The following KCNQ4 variants were observed in gnomAD, a reference collection of about 807,000 sequenced individuals.
The protein encoded by KCNQ4 is potassium voltage-gated channel subfamily KQT member 4.
KCNQ4 carries 31 observed loss-of-function variants against 72.6 expected under a neutral mutation model. The observed-to-expected ratio is 0.43, with a 90% CI of 0.32 to 0.58. The LOEUF (loss-of-function observed/expected upper bound fraction) is 0.58, where lower values mean the gene tolerates loss of function less well. KCNQ4 is among the 20% of genes least tolerant of loss of function. The pLI is 0.08. For missense variants in KCNQ4, 869 were observed against 962.6 expected (o/e 0.90, Z 1.29); for synonymous variants, 405 against 403.7 (o/e 1.00, Z -0.04).
chr1:40,812,135 T>TG (rs1316024277), intron 1 of KCNQ4, among the ~76,000 whole-genome samples: 1 of 152,196 alleles, frequency 6.6e-6, no homozygotes, highest in Non-Finnish European at 1.5e-5. Flanking sequence ...CAGCCTGAGC[T>TG]GGGGTTCTAG....
At chr1:40,819,772 G>A in intron 5 of KCNQ4, 103 bp from the exon 6 acceptor site, 2 of 1,014,558 alleles carry the variant, frequency 2.0e-6, no homozygotes, top group Non-Finnish European at 3.2e-6. Flanking sequence ...TGGGTGACCA[G>A]GGGCCCCTTC....
At chr1:40,787,696 T>C (rs1647216878) in intron 1 of KCNQ4, among the ~76,000 whole-genome samples, 1 of 134,614 alleles carries the variant, frequency 7.4e-6, no homozygotes. Flanking sequence ...CCAAGCTGCA[T>C]CCCCCTCCTA....
At chr1:40,824,333 C>T (rs368080681) in intron 9 of KCNQ4, 75 bp downstream of exon 9, 2 of 1,497,904 alleles carry the variant, frequency 1.3e-6, no homozygotes, top group Non-Finnish European at 1.8e-6. Context: ...CATCCTCTCT[C>T]AGACCTGCCT....
At position 40,817,450 on chromosome 1, in the gene KCNQ4, C is replaced by T. The variant is rs1297581017; in HGVS notation, c.405+95C>T. 1.1e-6 allele frequency: 1 copy of T among 888,306 alleles called. No individual in the cohort carries two copies. Among genetic ancestry groups the T allele is most frequent in the Non-Finnish European group, 1.7e-6 (1 of 574,104 alleles). 55.0% of individuals were successfully genotyped at this position (888,306 alleles called of 1,614,324 possible). A position where few individuals can be genotyped will look rare whatever the true frequency, so the allele number is the denominator to read the frequency against. On this transcript the variant is annotated intron_variant, in intron 2 of 13. Coordinates refer to ENST00000347132, the MANE Select transcript of KCNQ4 (RefSeq NM_004700.4). The surrounding 1 kb of genome is among the most constrained non-coding windows in gnomAD (Gnocchi z 5.5). ...TGAGGGGGGCTGTGTGAGGTAGCAC[C>T]TCTGGGCTGGGAGTCCGGGACTGAA...
intron 8 of KCNQ4, among the ~76,000 whole-genome samples, chr1:40,823,083 G>C (rs1018600569): frequency 6.6e-6 from 1 of 152,216 alleles, no homozygotes; most frequent in East Asian, 1.9e-4. Context: ...TTGTGGCTGG[G>C]GCAGGATGCT....
Position 40,824,078 on chromosome 1 carries a change from A to G in KCNQ4, c.1131-19A>G, listed in dbSNP as rs944682571. 16 of 1,549,828 alleles carry G rather than the reference A, an allele frequency of 1.0e-5. No homozygotes were observed. The highest frequency in any genetic ancestry group is 1.3e-5 in the Non-Finnish European group (15 of 1,147,214). On this transcript the variant is annotated intron_variant, in intron 8 of 13. Transcript: ENST00000347132. The stretch of plus-strand genomic sequence containing the variant: ...GGTGCCATGGCCCTGCCTGCCACTG[A>G]TGGTGCCCTCTCCTGCAGAGAGCTG...
intron 5 of KCNQ4, among the ~76,000 whole-genome samples, 199 bp from the exon 6 acceptor site, chr1:40,819,676 C>T (rs1463512019): frequency 6.6e-6 from 1 of 151,952 alleles, no homozygotes; most frequent in Non-Finnish European, 1.5e-5. Flanking sequence ...CAGCTAGCCC[C>T]GCACATCAAG....
chr1:40,819,118 A>T, intron 4 of KCNQ4: 1 of 389,856 alleles, frequency 2.6e-6, no homozygotes, highest in East Asian at 4.6e-5. Context: ...CTGGAGACTC[A>T]AGGCAGGCGG....
In KCNQ4 at chr1:40,819,334, G is replaced by A; in HGVS notation, c.709-13G>A. Reference sequence around the variant, plus strand: ...ACAGCGCTCCTCACCGCGCCCCTCCGCCTGCCCCGCAGGAGCTGATCACCG... The same window carrying A: ...ACAGCGCTCCTCACCGCGCCCCTCCACCTGCCCCGCAGGAGCTGATCACCG... On this transcript the variant is annotated splice_polypyrimidine_tract_variant and intron_variant, in intron 4 of 13. Transcript: ENST00000347132. The A allele has an allele frequency of 1.2e-6, 2 of 1,613,500 alleles. No individual in the cohort carries two copies. The highest frequency in any genetic ancestry group is 1.7e-6 in the Non-Finnish European group (2 of 1,179,928).
intron 9 of KCNQ4, among the ~76,000 whole-genome samples, chr1:40,825,369 C>T (rs1292993642): frequency 6.6e-6 from 1 of 152,196 alleles, no homozygotes; most frequent in Admixed American, 6.5e-5. Flanking sequence ...AGCCTTCAGT[C>T]ATTCTGAACC....
At chr1:40,815,224 A>T (rs1420722956) in intron 1 of KCNQ4, among the ~76,000 whole-genome samples, 1 of 146,820 alleles carries the variant, frequency 6.8e-6, no homozygotes, top group Non-Finnish European at 1.5e-5. Flanking sequence ...TGGTAACAGG[A>T]TGAGACTCCA....
intron 10 of KCNQ4, among the ~76,000 whole-genome samples, chr1:40,831,606 G>A (rs1408014139): frequency 6.6e-6 from 1 of 152,204 alleles, no homozygotes; most frequent in Non-Finnish European, 1.5e-5. Context: ...TTAGGCGAGT[G>A]ACCTAATTTC....
At chr1:40,829,002 G>C (rs1648560979) in intron 9 of KCNQ4, among the ~76,000 whole-genome samples, 1 of 152,214 alleles carries the variant, frequency 6.6e-6, no homozygotes, top group African/African-American at 2.4e-5. Flanking sequence ...GGTCTCTAGT[G>C]CAAGCCCTCG....
intron 1 of KCNQ4, among the ~76,000 whole-genome samples, chr1:40,808,746 T>C (rs1647837645): frequency 6.6e-6 from 1 of 152,200 alleles, no homozygotes; most frequent in South Asian, 2.1e-4. Context: ...CTTCATTCCA[T>C]TGACTACTCA....
chr1:40,799,438 C>CA (rs987175604), intron 1 of KCNQ4, among the ~76,000 whole-genome samples: 20 of 150,994 alleles, frequency 1.3e-4, no homozygotes, highest in Middle Eastern at 3.6e-3. Flanking sequence ...CCATGCCCCC[C>CA]CCCTCGCTAG....
chr1:40,837,708 C>A lies in KCNQ4; in HGVS notation c.1789C>A (p.Arg597=). The A allele has an allele frequency of 6.2e-7, 1 of 1,613,274 alleles. No individual in the cohort carries two copies. ...TCGGGGGCCCGGGGACAGGAAGGCC[C>A]GGGAGAAGGGCGACAAGGGGCCCTC... ...VGRGPGDRKA[R]EKGDKGPSDA... Residue 597 remains arginine (R), a synonymous_variant, in exon 13 of 14, where the codon CGG becomes AGG. Coordinates refer to ENST00000347132, the MANE Select transcript of KCNQ4 (RefSeq NM_004700.4).
Position 40,834,960 on chromosome 1 carries a change from C to T in KCNQ4, c.1614-7C>T, listed in dbSNP as rs776451393. The T allele has an allele frequency of 2.5e-6, 4 of 1,613,192 alleles. No homozygotes were observed. Among genetic ancestry groups the T allele is most frequent in the South Asian group, 2.2e-5 (2 of 91,056 alleles). ...GGACACTCCCTCTGAGCCCCCTCCC[C>T]CAACAGGATTCTCAAGTTCCTGGTG... On this transcript the variant is annotated splice_polypyrimidine_tract_variant and splice_region_variant and intron_variant, in intron 11 of 13. Transcript: ENST00000347132.
intron 3 of KCNQ4, 65 bp downstream of exon 3, chr1:40,818,355 C>A: frequency 4.4e-6 from 7 of 1,606,556 alleles, no homozygotes; most frequent in Non-Finnish European, 5.9e-6. Flanking sequence ...GCCTTTACTC[C>A]CAATCCCGAC....
chr1:40,805,844 A>ATC (rs1647740996), intron 1 of KCNQ4, among the ~76,000 whole-genome samples: 1 of 146,422 alleles, frequency 6.8e-6, no homozygotes, highest in African/African-American at 2.5e-5. Context: ...TTCACATGAA[A>ATC]TTTTTTTTTT....
Sources: allele counts gnomAD v4.1 joint callset (sites outside exome capture counted in the v4.1 genomes callset), GRCh38; gene constraint gnomAD v4.1.1; non-coding constraint Gnocchi (gnomAD v3.1); transcripts MANE v1.5; gene names NCBI Gene and HGNC (gene_info 2026-07-23, HGNC 2026-07-21).